The following GIMAP8 variants were observed in gnomAD, a reference collection of about 807,000 sequenced individuals.
GIMAP8 encodes the protein GTPase, IMAP family member 8.
In GIMAP8, 29 loss-of-function variants were observed where a neutral mutation model predicts 35.6. The observed-to-expected ratio is 0.81, with a 90% CI of 0.61 to 1.11. The LOEUF (loss-of-function observed/expected upper bound fraction) is 1.11. Ranked by LOEUF, GIMAP8 falls within the 50% of genes most tolerant of loss-of-function variation. GIMAP8 has a pLI of 0.00. For missense variants in GIMAP8, 811 were observed against 805.0 expected, an observed-to-expected ratio of 1.01 and a Z score of -0.09; for synonymous variants, 335 against 308.7, an observed-to-expected ratio of 1.09 and a Z score of -0.89.
At chr7:150,456,790 GA>G (rs1401699571) in intron 1 of GIMAP8, among the ~76,000 whole-genome samples, 3 of 152,084 alleles carry the variant, frequency 2.0e-5, no homozygotes, top group African/African-American at 7.2e-5. Flanking sequence ...TTTCAATATG[GA>G]AAAATGTTAA....
At position 150,451,420 on chromosome 7, in the gene GIMAP8, C is replaced by CCT. The variant is rs1442532995; in HGVS notation, c.-29+246_-29+247dup. On this transcript the variant is annotated intron_variant, in intron 1 of 4. Coordinates refer to ENST00000307271, the MANE Select transcript of GIMAP8 (RefSeq NM_175571.4). This position sits in a 1 kb window ranked among gnomAD's most constrained non-coding sequence, Gnocchi z 4.1. ...AATGGCAGAGTTGAATGGCAGGGGCCCTGGGAAGCTTTCCTCCTGGTCCAA... is the reference window on the plus strand; with the variant it reads ...AATGGCAGAGTTGAATGGCAGGGGCCCTCTGGGAAGCTTTCCTCCTGGTCCAA... Among the ~76,000 whole-genome samples the CCT allele has an allele frequency of 3.9e-5, 6 of 152,058 alleles. No individual in the cohort carries two copies. Among genetic ancestry groups the CCT allele is most frequent in the Non-Finnish European group, 5.9e-5 (4 of 68,002 alleles).
chr7:150,476,314 T>G (rs143739690), intron 4 of GIMAP8, among the ~76,000 whole-genome samples: 1 of 152,228 alleles, frequency 6.6e-6, no homozygotes, highest in Non-Finnish European at 1.5e-5. Context: ...ACTGTCACAG[T>G]GCAAGTGCAA....
chr7:150,478,070 C>T lies in GIMAP8; in HGVS notation c.*290C>T, dbSNP rs1802281177. Reference sequence around the variant, plus strand: ...TGGTAGAATCAAGTCACAAGAATCACCTCACTTGTGTAGGTAGGTTGGAAT... The same window carrying T: ...TGGTAGAATCAAGTCACAAGAATCATCTCACTTGTGTAGGTAGGTTGGAAT... On this transcript the variant is annotated 3_prime_UTR_variant, in exon 5 of 5. Transcript: ENST00000307271. The T allele has an allele frequency of 2.3e-6, 1 of 433,166 alleles. No individual in the cohort carries two copies. Among genetic ancestry groups the T allele is most frequent in the Non-Finnish European group, 4.1e-6 (1 of 241,676 alleles). 26.8% of individuals were successfully genotyped at this position (433,166 alleles called of 1,614,324 possible). A position where few individuals can be genotyped will look rare whatever the true frequency, so the allele number is the denominator to read the frequency against.
chr7:150,461,186 G>A (rs549271318), intron 1 of GIMAP8, among the ~76,000 whole-genome samples: 21 of 152,342 alleles, frequency 1.4e-4, no homozygotes, highest in Non-Finnish European at 2.4e-4. Flanking sequence ...GTGCTTATAA[G>A]AAGAAAGTGC....
Position 150,478,062 on chromosome 7 carries a change from A to C in GIMAP8, c.*282A>C. On this transcript the variant is annotated 3_prime_UTR_variant, in exon 5 of 5. Coordinates refer to ENST00000307271, the MANE Select transcript of GIMAP8 (RefSeq NM_175571.4). ...ATAATAAGTGGTAGAATCAAGTCAC[A>C]AGAATCACCTCACTTGTGTAGGTAG... is the stretch of plus-strand genomic sequence containing the variant. The C allele has an allele frequency of 2.2e-6, 1 of 452,298 alleles. No homozygotes were observed. The highest frequency in any genetic ancestry group is 3.9e-6 in the Non-Finnish European group (1 of 253,452). 28.0% of individuals were successfully genotyped at this position (452,298 alleles called of 1,614,324 possible).
chr7:150,473,628 G>A (rs1802144257), intron 3 of GIMAP8, among the ~76,000 whole-genome samples: 1 of 150,348 alleles, frequency 6.7e-6, no homozygotes, highest in African/African-American at 2.5e-5. Flanking sequence ...TACCACCAAG[G>A]GGCATTTGAA....
chr7:150,465,128 G>A (rs1801923672), intron 1 of GIMAP8, among the ~76,000 whole-genome samples: 1 of 152,186 alleles, frequency 6.6e-6, no homozygotes, highest in African/African-American at 2.4e-5. Context: ...GTGAGAACAG[G>A]AAGGGAACCC....
intron 1 of GIMAP8, among the ~76,000 whole-genome samples, chr7:150,452,567 G>A (rs1313945961): frequency 1.3e-5 from 2 of 149,000 alleles, no homozygotes; most frequent in Non-Finnish European, 3.0e-5. Context: ...GCATATATAT[G>A]TGTGTGTGTA....
At chr7:150,477,071 T>C in intron 4 of GIMAP8, 21 bp from the exon 5 acceptor site, 1 of 1,581,484 alleles carries the variant, frequency 6.3e-7, no homozygotes, top group East Asian at 2.3e-5. Flanking sequence ...GTCACGAATC[T>C]TTCCCACTTT....
intron 2 of GIMAP8, among the ~76,000 whole-genome samples, chr7:150,469,187 A>C (rs1460080856): frequency 2.0e-5 from 3 of 150,070 alleles, no homozygotes; most frequent in East Asian, 3.9e-4. Flanking sequence ...ACTCACATCC[A>C]CTCCTGAGCC....
chr7:150,468,196 A>G (rs1802015865), intron 2 of GIMAP8, among the ~76,000 whole-genome samples: 1 of 152,136 alleles, frequency 6.6e-6, no homozygotes, highest in Non-Finnish European at 1.5e-5. Context: ...TGCCTAACCT[A>G]TTTTAACGTA....
chr7:150,451,659 A>G lies in GIMAP8; in HGVS notation c.-29+484A>G, dbSNP rs1410923325. On this transcript the variant is annotated intron_variant, in intron 1 of 4. Coordinates refer to ENST00000307271, the MANE Select transcript of GIMAP8 (RefSeq NM_175571.4). The surrounding 1 kb of genome is among the most constrained non-coding windows in gnomAD (Gnocchi z 4.1). ...CCCATGAAGCTAGATGGTGCCGCAG[A>G]GCAGCCCCCAGGAGGAAGCCAGCGG... Among the ~76,000 whole-genome samples the G allele has an allele frequency of 6.6e-6, 1 of 152,156 alleles. No homozygotes were observed. Among genetic ancestry groups the G allele is most frequent in the East Asian group, 1.9e-4 (1 of 5,190 alleles).
intron 2 of GIMAP8, among the ~76,000 whole-genome samples, chr7:150,467,832 A>G (rs1563284859): frequency 6.6e-6 from 1 of 151,982 alleles, no homozygotes. Flanking sequence ...TCTACTACTA[A>G]CGGTTTTCAA....
intron 1 of GIMAP8, among the ~76,000 whole-genome samples, chr7:150,459,293 G>C (rs73726133): frequency 9.2e-5 from 14 of 152,288 alleles, no homozygotes; most frequent in African/African-American, 2.9e-4. Flanking sequence ...CTCCCTTCTT[G>C]ATGTTGATTG....
rs567749757 is a variant in GIMAP8 at position 150,474,718 on chromosome 7, CT to C, written c.1309+88del. On this transcript the variant is annotated intron_variant, in intron 4 of 4. Coordinates refer to ENST00000307271, the MANE Select transcript of GIMAP8 (RefSeq NM_175571.4). ...AAAATATATAAGAACTTTTTATTTT[CT>C]TTTTTTTCTTTTTTTTTATTATACT... The C allele has an allele frequency of 1.4e-4, 126 of 887,886 alleles. 1 individual carries two copies. In the East Asian group the frequency reaches 2.4e-3, roughly 17 times the overall value. 55.0% of individuals were successfully genotyped at this position (887,886 alleles called of 1,614,324 possible). A position where few individuals can be genotyped will look rare whatever the true frequency, so the allele number is the denominator to read the frequency against.
At position 150,466,802 on chromosome 7, in the gene GIMAP8, T is replaced by C; in HGVS notation, c.104T>C (p.Val35Ala). The change falls in exon 2 of 5, where the codon GTG (valine) becomes GCG (alanine). Residue 35 changes from valine (V) to alanine (A), a missense_variant. Physicochemically the swap from Val to Ala is moderately conservative, Grantham distance 64. Transcript: ENST00000307271. ...ATGNAILGKH[V>A]FKSKFSDQTV... ...GGAAATGCCATTCTGGGCAAACATGTGTTCAAGTCCAAGTTCAGTGATCAG... is the reference window on the plus strand; with the variant it reads ...GGAAATGCCATTCTGGGCAAACATGCGTTCAAGTCCAAGTTCAGTGATCAG... 6.2e-7 allele frequency: 1 copy of C among 1,614,236 alleles called. No individual in the cohort carries two copies. Among genetic ancestry groups the C allele is most frequent in the Non-Finnish European group, 8.5e-7 (1 of 1,180,038 alleles).
chr7:150,455,901 C>G (rs1008726858), intron 1 of GIMAP8, among the ~76,000 whole-genome samples: 1 of 152,164 alleles, frequency 6.6e-6, no homozygotes, highest in Non-Finnish European at 1.5e-5. Flanking sequence ...CAGCAGAAAT[C>G]CAGGTGCCTT....
chr7:150,475,215 A>T (rs1268191782), intron 4 of GIMAP8, among the ~76,000 whole-genome samples: 1 of 152,194 alleles, frequency 6.6e-6, no homozygotes, highest in Non-Finnish European at 1.5e-5. Context: ...ACAGGATTTC[A>T]TTCTTTTTTA....
chr7:150,470,412 C>A (rs901711247), intron 2 of GIMAP8, among the ~76,000 whole-genome samples: 6 of 152,102 alleles, frequency 3.9e-5, no homozygotes, highest in African/African-American at 1.2e-4. Context: ...TATCAGGATT[C>A]CCCAGGCAGG....
Sources: gnomAD v4.1 joint callset for allele counts (sites outside exome capture counted in the v4.1 genomes callset) on GRCh38, gnomAD v4.1.1 for gene constraint, Gnocchi (gnomAD v3.1) non-coding constraint, MANE v1.5 for transcripts, NCBI Gene and HGNC (gene_info 2026-07-23, HGNC 2026-07-21) for gene names.